PRKAG2: variants seen among roughly 807,000 people sequenced by gnomAD.
The protein encoded by PRKAG2 is protein kinase AMP-activated non-catalytic subunit gamma 2, also known as 5'-AMP-activated protein kinase subunit gamma-2.
In PRKAG2, 26 loss-of-function variants were observed where a neutral mutation model predicts 69.6. The observed-to-expected ratio is 0.37, with a 90% CI of 0.27 to 0.52. The LOEUF is 0.52. Ranked by LOEUF, PRKAG2 falls within the 20% of genes least tolerant of loss-of-function variation. PRKAG2 has a pLI of 0.90. For synonymous variants in PRKAG2, 293 were observed against 285.0 expected, an observed-to-expected ratio of 1.03 and a Z score of -0.28; for missense variants, 557 against 740.0, an observed-to-expected ratio of 0.75 and a Z score of 2.87.
intron 5 of PRKAG2, among the ~76,000 whole-genome samples, chr7:151,596,818 T>C (rs568798732): frequency 6.6e-6 from 1 of 152,160 alleles, no homozygotes; most frequent in African/African-American, 2.4e-5. Flanking sequence ...ATATCTTGTG[T>C]TCATGGATTG....
At chr7:151,563,948 T>C in intron 14 of PRKAG2, 130 bp downstream of exon 14, 1 of 1,216,100 alleles carries the variant, frequency 8.2e-7, no homozygotes, top group South Asian at 1.3e-5. Context: ...CAGGAGGGAA[T>C]CCCATCGACT....
intron 3 of PRKAG2, among the ~76,000 whole-genome samples, chr7:151,763,579 G>A (rs1326596931): frequency 6.6e-6 from 1 of 152,194 alleles, no homozygotes; most frequent in Non-Finnish European, 1.5e-5. Context: ...TCCCTTCCTG[G>A]CTACTGAAGC....
At chr7:151,791,341 C>G (rs958776698) in intron 1 of PRKAG2, among the ~76,000 whole-genome samples, 1 of 152,216 alleles carries the variant, frequency 6.6e-6, no homozygotes, top group Admixed American at 6.5e-5. Context: ...GCCCAGGCTC[C>G]TGGATGTGCC....
intron 5 of PRKAG2, among the ~76,000 whole-genome samples, chr7:151,609,184 T>C (rs1442167865): frequency 2.0e-5 from 3 of 152,186 alleles, no homozygotes; most frequent in Admixed American, 2.0e-4. Context: ...ACCATACACA[T>C]TTTAAAAACA....
At position 151,877,019 on chromosome 7, in the gene PRKAG2, G is replaced by A. The variant is rs2080420190; in HGVS notation, c.-399C>T. The A allele has an allele frequency of 3.1e-6, 1 of 319,040 alleles. No homozygotes were observed. Among genetic ancestry groups the A allele is most frequent in the African/African-American group, 2.1e-5 (1 of 46,528 alleles). The allele number at this position is 319,040 out of a possible 1,614,324, so 19.8% of individuals were successfully genotyped here. A position where few individuals can be genotyped will look rare whatever the true frequency, so the allele number is the denominator to read the frequency against. On this transcript the variant is annotated 5_prime_UTR_variant, in exon 1 of 16. Transcript: ENST00000287878. The stretch of plus-strand genomic sequence containing the variant: ...TGAAAGGCAGGTGCAATTAAAACCA[G>A]CAATTTGGAAAACAAGCCTCCTATG...
At chr7:151,682,251 C>CT (rs896209450) in intron 3 of PRKAG2, among the ~76,000 whole-genome samples, 9 of 152,036 alleles carry the variant, frequency 5.9e-5, no homozygotes, top group African/African-American at 2.2e-4. Flanking sequence ...TCCCTCATTA[C>CT]TTTTTTTGAG....
chr7:151,560,360 T>C (rs750096285), intron 15 of PRKAG2, 164 bp downstream of exon 15: 5 of 1,534,346 alleles, frequency 3.3e-6, no homozygotes, highest in Non-Finnish European at 4.4e-6. Flanking sequence ...GCAGAACACT[T>C]AAACTTCCCA....
intron 1 of PRKAG2, among the ~76,000 whole-genome samples, chr7:151,813,514 G>C (rs2078532066): frequency 6.7e-6 from 1 of 149,608 alleles, no homozygotes; most frequent in Non-Finnish European, 1.5e-5. Flanking sequence ...AAAGGACATG[G>C]CTTACTCAAA....
chr7:151,560,698 T>C, intron 14 of PRKAG2, 81 bp from the exon 15 acceptor site: 3 of 1,532,970 alleles, frequency 2.0e-6, no homozygotes, highest in Non-Finnish European at 1.8e-6. Flanking sequence ...TGTCCTGTCA[T>C]GTTTTTATAT....
At position 151,719,930 on chromosome 7, in the gene PRKAG2, C is replaced by T. The variant is rs2151636278; in HGVS notation, c.467-44293G>A. ...AATCTGCACCTTCCCATGGAACTCT[C>T]CCAATTGGCTGTGCTTGCTCTGCCC... is the stretch of plus-strand genomic sequence containing the variant. On this transcript the variant is annotated intron_variant, in intron 3 of 15. Transcript: ENST00000287878. The surrounding 1 kb of genome is among the most constrained non-coding windows in gnomAD (Gnocchi z 5.2). Among the ~76,000 whole-genome samples, 1 of 152,332 alleles carries T rather than the reference C, an allele frequency of 6.6e-6. No homozygotes were observed. The highest frequency in any genetic ancestry group is 1.9e-4 in the East Asian group (1 of 5,180).
At chr7:151,783,303 A>C (rs1397759842) in intron 2 of PRKAG2, among the ~76,000 whole-genome samples, 2 of 152,076 alleles carry the variant, frequency 1.3e-5, no homozygotes, top group African/African-American at 4.8e-5. Flanking sequence ...GGACCTTGTA[A>C]CTCAAGCTAA....
chr7:151,809,205 G>A, intron 1 of PRKAG2: 1 of 456,542 alleles, frequency 2.2e-6, no homozygotes, highest in South Asian at 1.5e-5. Context: ...CCCAAGAGGG[G>A]TGAGTGGGCT....
intron 1 of PRKAG2, among the ~76,000 whole-genome samples, chr7:151,837,960 G>A (rs751772942): frequency 4.6e-5 from 7 of 151,914 alleles, no homozygotes; most frequent in Admixed American, 6.6e-5. Flanking sequence ...AGCAGGCCGC[G>A]CCTGGGCCTT....
chr7:151,833,379 C>A (rs1279593001), intron 1 of PRKAG2, among the ~76,000 whole-genome samples: 1 of 152,088 alleles, frequency 6.6e-6, no homozygotes, highest in Non-Finnish European at 1.5e-5. Flanking sequence ...CAGGGTGTGA[C>A]GAATGATGTT....
At chr7:151,688,045 C>CCCCCA (rs1554539832) in intron 3 of PRKAG2, among the ~76,000 whole-genome samples, 4 of 107,798 alleles carry the variant, frequency 3.7e-5, no homozygotes, top group Non-Finnish European at 6.5e-5. Flanking sequence ...AAATGAGGCC[C>CCCCCA]CCCCCCGGGC....
chr7:151,669,382 A>G (rs1011469898), intron 4 of PRKAG2, among the ~76,000 whole-genome samples: 1 of 152,242 alleles, frequency 6.6e-6, no homozygotes, highest in Admixed American at 6.5e-5. Flanking sequence ...TTACACAACT[A>G]GTTGGCTGCA....
rs1165294579 is a variant in PRKAG2, at chr7:151,699,481, A to G, written c.467-23844T>C. ...GCGACTTTATCATGAAGGCCAGCAC[A>G]GGAGGCCCCTCCTTCCTGTTGGAGA... On this transcript the variant is annotated intron_variant, in intron 3 of 15. Transcript: ENST00000287878. The surrounding 1 kb of genome is among the most constrained non-coding windows in gnomAD (Gnocchi z 4.5). Among the ~76,000 whole-genome samples the G allele has an allele frequency of 2.0e-5, 3 of 152,352 alleles. No homozygotes were observed. The highest frequency in any genetic ancestry group is 2.1e-4 in the South Asian group (1 of 4,826).
chr7:151,732,273 G>A (rs1274943181), intron 3 of PRKAG2, among the ~76,000 whole-genome samples: 1 of 151,694 alleles, frequency 6.6e-6, no homozygotes, highest in African/African-American at 2.4e-5. Context: ...CAATTAGCTG[G>A]GACTACCGAC....
At chr7:151,838,439 G>A (rs921416490) in intron 1 of PRKAG2, among the ~76,000 whole-genome samples, 6 of 150,980 alleles carry the variant, frequency 4.0e-5, no homozygotes, top group African/African-American at 1.2e-4. Context: ...TGGGTGCAGT[G>A]GCTCACATCT....
Sources: gnomAD v4.1 joint callset for allele counts (sites outside exome capture counted in the v4.1 genomes callset) on GRCh38, gnomAD v4.1.1 for gene constraint, Gnocchi (gnomAD v3.1) non-coding constraint, MANE v1.5 for transcripts, NCBI Gene and HGNC (gene_info 2026-07-23, HGNC 2026-07-21) for gene names.